The following CLN3 variants were observed in gnomAD, a reference collection of about 807,000 sequenced individuals.
CLN3 encodes battenin.
A neutral mutation model predicts 60.7 loss-of-function variants in CLN3; 49 were observed. That is an observed-to-expected ratio of 0.81 (90% confidence interval 0.64 to 1.02). CLN3 has a LOEUF of 1.02. Ranked by LOEUF, CLN3 falls within the 50% of genes least tolerant of loss-of-function variation. The probability of loss-of-function intolerance (pLI) is 0.00; values close to 1 mark genes in which losing one functional copy is unlikely to be tolerated. For missense variants in CLN3, 516 were observed against 557.4 expected, an observed-to-expected ratio of 0.93 and a Z score of 0.75; for synonymous variants, 256 against 245.8, an observed-to-expected ratio of 1.04 and a Z score of -0.39.
At chr16:28,470,518 G>C (rs570617746), downstream of CLN3, 9 of 896,148 alleles carry the variant, frequency 1.0e-5, no homozygotes, top group East Asian at 2.2e-4. Flanking sequence ...GGAAGGGGAC[G>C]GGGACCGGGG....
Position 28,486,394 on chromosome 16 carries a change from C to A in CLN3, c.630G>T (p.Gln210His). 1 of 1,613,276 alleles carries A rather than the reference C, an allele frequency of 6.2e-7. No homozygotes were observed. The highest frequency in any genetic ancestry group is 8.5e-7 in the Non-Finnish European group (1 of 1,180,016). Residue 210 changes from glutamine to histidine, a missense_variant, in exon 9 of 16, where the codon CAG (glutamine) becomes CAT (histidine). By Grantham distance (24) the Gln-to-His change is conservative. Coordinates refer to ENST00000636147, the MANE Select transcript of CLN3 (RefSeq NM_001042432.2). The part of the protein sequence containing the change: ...LGLTQAGLSP[Q>H]QTLLSMLGIP... ...TACCCAGCATGGACAGCAGGGTCTG[C>A]TGAGGGGAGAGGCCGGCCTGGGTGA...
Position 28,478,021 on chromosome 16 carries a change from G to A in CLN3, c.1057-144C>T, listed in dbSNP as rs28374519. 352,988 of 884,842 alleles carry A rather than the reference G, an allele frequency of 0.4. 75,295 individuals are homozygous for A. The highest frequency in any genetic ancestry group is 0.65 in the East Asian group (24,529 of 37,744). 54.8% of individuals were successfully genotyped at this position (884,842 alleles called of 1,614,324 possible). ...CTAGATAAAATCTCAACACCAGCCCGGTGTGGTGGCTCACACCTGTAATCC... is the reference window on the plus strand; with the variant it reads ...CTAGATAAAATCTCAACACCAGCCCAGTGTGGTGGCTCACACCTGTAATCC... On this transcript the variant is annotated intron_variant, in intron 14 of 15. Coordinates refer to ENST00000636147, the MANE Select transcript of CLN3 (RefSeq NM_001042432.2).
intron 14 of CLN3, 118 bp downstream of exon 14, chr16:28,481,987 A>C (rs2520416): frequency 5.7e-6 from 1 of 175,480 alleles, no homozygotes; most frequent in Non-Finnish European, 1.0e-5. Context: ...ACTCTGTCTC[A>C]AAAAAAAAAA....
rs1052292273 is a variant in CLN3, at chr16:28,485,361, G to A, written c.677+986C>T. On this transcript the variant is annotated intron_variant, in intron 9 of 15. Coordinates refer to ENST00000636147, the MANE Select transcript of CLN3 (RefSeq NM_001042432.2). The stretch of plus-strand genomic sequence containing the variant: ...GCAGGTGGATCACTTGAGGTCAGGA[G>A]TTTGAGACCAGCCTGGCCAATACAG... Among the ~76,000 whole-genome samples the A allele has an allele frequency of 8.7e-5, 12 of 137,504 alleles. No homozygotes were observed. In the Admixed American group the frequency reaches 9.0e-4, roughly 10 times the overall value. The allele number at this position is 137,504 out of a possible 152,430, so 90.2% of individuals were successfully genotyped here.
chr16:28,482,721 AC>A, intron 10 of CLN3, 49 bp from the exon 11 acceptor site: 1 of 1,604,258 alleles, frequency 6.2e-7, no homozygotes, highest in Non-Finnish European at 8.5e-7. Flanking sequence ...CACACTGAAG[AC>A]TCGGCAAAGA....
chr16:28,491,653 C>A (rs1208902670), intron 2 of CLN3, 61 bp downstream of exon 2: 2 of 1,613,930 alleles, frequency 1.2e-6, no homozygotes, highest in South Asian at 1.1e-5. Flanking sequence ...AGCTCTCATT[C>A]CCCTCAGGTG....
In CLN3 at chr16:28,486,366, G is replaced by C. The variant is rs1421772569; in HGVS notation, c.658C>G (p.Pro220Ala). ...GCTCACCTGGCCAGCAGCAGGGCAG[G>C]GATACCCAGCATGGACAGCAGGGTC... ...QQTLLSMLGI[P>A]ALLLASYFLL... Residue 220 changes from proline to alanine, a missense_variant, in exon 9 of 16, where the codon CCT becomes GCT. Pro to Ala is a conservative substitution (Grantham distance 27). Transcript: ENST00000636147. The C allele has an allele frequency of 6.2e-7, 1 of 1,612,358 alleles. No homozygotes were observed. The highest frequency in any genetic ancestry group is 8.5e-7 in the Non-Finnish European group (1 of 1,180,018).
intron 3 of CLN3, among the ~76,000 whole-genome samples, chr16:28,490,040 A>G (rs2046287548): frequency 7.1e-6 from 1 of 140,068 alleles, no homozygotes; most frequent in South Asian, 2.3e-4. Context: ...CTGGGCTACA[A>G]GAGCGAGACT....
At chr16:28,473,954 A>G (rs536142816), downstream of CLN3, among the ~76,000 whole-genome samples, 4 of 152,128 alleles carry the variant, frequency 2.6e-5, no homozygotes, top group Admixed American at 2.6e-4. Context: ...CCAGACAACC[A>G]AAGGAAAAAA....
downstream of CLN3, among the ~76,000 whole-genome samples, chr16:28,473,855 C>T (rs2045970783): frequency 6.6e-6 from 1 of 152,016 alleles, no homozygotes; most frequent in African/African-American, 2.4e-5. Context: ...AAAAGATGCT[C>T]AGCATCATTA....
chr16:28,490,165 G>T (rs1008060744), intron 3 of CLN3, among the ~76,000 whole-genome samples: 2 of 152,072 alleles, frequency 1.3e-5, no homozygotes, highest in Admixed American at 1.3e-4. Context: ...TGTCAGGGCG[G>T]GGCACGGTGG....
intron 14 of CLN3, among the ~76,000 whole-genome samples, chr16:28,480,210 C>CT (rs2046063006): frequency 1.5e-5 from 2 of 136,214 alleles, no homozygotes; most frequent in South Asian, 2.2e-4. Flanking sequence ...TCCCACCTGG[C>CT]TTATTTTTTT....
intron 2 of CLN3, 76 bp from the exon 3 acceptor site, chr16:28,491,636 C>T (rs769733324): frequency 3.1e-6 from 5 of 1,613,674 alleles, no homozygotes; most frequent in Middle Eastern, 1.6e-4. Context: ...CCTCCCGGGG[C>T]CGAGTCAGCT....
downstream of CLN3, among the ~76,000 whole-genome samples, chr16:28,470,766 C>G (rs1198143901): frequency 6.7e-6 from 1 of 150,004 alleles, no homozygotes; most frequent in Non-Finnish European, 1.5e-5. Flanking sequence ...AAATTAAGTT[C>G]TCAAGCGCTG....
chr16:28,491,742 G>A lies in CLN3; in HGVS notation c.18C>T (p.Gly6=). 1.2e-6 allele frequency: 2 copies of A among 1,614,042 alleles called. No individual in the cohort carries two copies. Among genetic ancestry groups the A allele is most frequent in the Non-Finnish European group, 1.7e-6 (2 of 1,180,036 alleles). ...CGGAATCCGAAAAGCGCCGCCGCGA[G>A]CCTGCACAGCCTCCCATCGCATCAA... MGGCA[G]SRRRFSDSEG... Residue 6 remains glycine, a synonymous_variant, in exon 2 of 16, where the codon GGC becomes GGT. Coordinates refer to ENST00000636147, the MANE Select transcript of CLN3 (RefSeq NM_001042432.2).
At chr16:28,491,911 A>T in intron 1 of CLN3, 76 bp from the exon 2 acceptor site, 1 of 1,015,882 alleles carries the variant, frequency 9.8e-7, no homozygotes, top group Non-Finnish European at 1.5e-6. Context: ...GCGCCCCGCG[A>T]TCCATCAAGG....
chr16:28,470,214 C>T (rs1210258114), downstream of CLN3, among the ~76,000 whole-genome samples: 1 of 129,184 alleles, frequency 7.7e-6, no homozygotes, highest in Non-Finnish European at 1.6e-5. Flanking sequence ...TGGGGTTTCG[C>T]CATGATGCCC....
chr16:28,477,336 A>G lies in CLN3; in HGVS notation c.*180T>C, dbSNP rs1303865218. The G allele has an allele frequency of 6.7e-6, 5 of 743,998 alleles. No individual in the cohort carries two copies. Among genetic ancestry groups the G allele is most frequent in the South Asian group, 1.6e-5 (1 of 62,478 alleles). The allele number at this position is 743,998 out of a possible 1,614,324, so 46.1% of individuals were successfully genotyped here. On this transcript the variant is annotated 3_prime_UTR_variant, in exon 16 of 16. Transcript: ENST00000636147. Reference sequence around the variant, plus strand: ...CATGATGCCAGGAAGAAACTCCCCAAGTGGGAGACAATGGCTGGCCCCCCT... The same window carrying G: ...CATGATGCCAGGAAGAAACTCCCCAGGTGGGAGACAATGGCTGGCCCCCCT...
At chr16:28,482,755 C>G in intron 10 of CLN3, 83 bp from the exon 11 acceptor site, 1 of 1,429,392 alleles carries the variant, frequency 7.0e-7, no homozygotes, top group Non-Finnish European at 9.8e-7. Context: ...ACAGAATTAA[C>G]CAGACCACGC....
Sources: gnomAD v4.1 joint callset for allele counts (sites outside exome capture counted in the v4.1 genomes callset) on GRCh38, gnomAD v4.1.1 for gene constraint, MANE v1.5 for transcripts, NCBI Gene and HGNC (gene_info 2026-07-23, HGNC 2026-07-21) for gene names.